The following DOCK6 variants were observed in gnomAD, a reference collection of about 807,000 sequenced individuals.
DOCK6 encodes dedicator of cytokinesis protein 6.
A neutral mutation model predicts 230.3 loss-of-function variants in DOCK6; 167 were observed. The observed-to-expected ratio is 0.73, with a 90% confidence interval of 0.64 to 0.82. The LOEUF (loss-of-function observed/expected upper bound fraction) is 0.82, where lower values mean the gene tolerates loss of function less well. DOCK6 is among the 40% of genes least tolerant of loss of function. DOCK6 has a pLI of 0.00. For synonymous variants in DOCK6, 1,148 were observed against 1,185.0 expected, an observed-to-expected ratio of 0.97 and a Z score of 0.64; for missense variants, 2,598 against 2,825.8, an observed-to-expected ratio of 0.92 and a Z score of 1.83.
chr19:11,252,889 C>T lies in DOCK6; in HGVS notation c.202G>A (p.Glu68Lys), dbSNP rs2080140863. The change falls in exon 3 of 48, where the codon GAG becomes AAG. Residue 68 changes from glutamate (E) to lysine (K), a missense_variant. Glu to Lys is a moderately conservative substitution (Grantham distance 56). Coordinates refer to ENST00000294618, the MANE Select transcript of DOCK6 (RefSeq NM_020812.4). Reference protein sequence around the residue: ...DVLLSRPPDAEPGPLRDLVEF... With the variant: ...DVLLSRPPDAKPGPLRDLVEF... ...ACCAGGTCCCTGAGGGGCCCGGGCT[C>T]AGCATCTGGTGGCCGGCTCAGAAGT... 1.2e-6 allele frequency: 2 copies of T among 1,613,676 alleles called. No individual in the cohort carries two copies. Among genetic ancestry groups the T allele is most frequent in the Non-Finnish European group, 1.7e-6 (2 of 1,179,834 alleles).
Position 11,222,300 on chromosome 19 carries a change from G to C in DOCK6, c.3241-52C>G. 1 of 1,556,114 alleles carries C rather than the reference G, an allele frequency of 6.4e-7. No homozygotes were observed. The highest frequency in any genetic ancestry group is 8.7e-7 in the Non-Finnish European group (1 of 1,148,546). On this transcript the variant is annotated intron_variant, in intron 26 of 47. Transcript: ENST00000294618. The surrounding 1 kb of genome is among the most constrained non-coding windows in gnomAD (Gnocchi z 4.0). Reference sequence around the variant, plus strand: ...TGCCAGCGGTCAAGGGTCAGAGGTGGCAGGTCACCATTAAAGCCATCTTGG... The same window carrying C: ...TGCCAGCGGTCAAGGGTCAGAGGTGCCAGGTCACCATTAAAGCCATCTTGG...
chr19:11,225,833 C>A (rs1181695967), intron 24 of DOCK6, among the ~76,000 whole-genome samples: 2 of 143,414 alleles, frequency 1.4e-5, no homozygotes, highest in Non-Finnish European at 3.0e-5. Context: ...GAGTTGGAGA[C>A]CAGTCTGGGC....
rs2079422821 is a variant in DOCK6 at position 11,213,228 on chromosome 19, T to A, written c.4439A>T (p.His1480Leu). The A allele has an allele frequency of 1.2e-6, 2 of 1,613,092 alleles. No individual in the cohort carries two copies. The highest frequency in any genetic ancestry group is 8.5e-7 in the Non-Finnish European group (1 of 1,179,858). Reference protein sequence around the residue: ...CGSRISTIRTHASASLYLLMR... With the variant: ...CGSRISTIRTLASASLYLLMR... Reference sequence around the variant, plus strand: ...GAGCAGGTACAGCGAGGCGCTGGCGTGCGTGCGGATGGTGCTGATGCGGCT... The same window carrying A: ...GAGCAGGTACAGCGAGGCGCTGGCGAGCGTGCGGATGGTGCTGATGCGGCT... The change falls in exon 35 of 48, where the codon CAC becomes CTC. Residue 1480 changes from histidine (H) to leucine (L), a missense_variant. By Grantham distance (99) the His-to-Leu change is moderately conservative (BLOSUM62 -3). Coordinates refer to ENST00000294618, the MANE Select transcript of DOCK6 (RefSeq NM_020812.4).
At chr19:11,235,877 A>ATTTTTTTTTTTTTTTTTTTTT (rs56665433) in intron 20 of DOCK6, 118 bp from the exon 21 acceptor site, 1 of 814,976 alleles carries the variant, frequency 1.2e-6, no homozygotes. Flanking sequence ...GGGGTCACAA[A>ATTTTTTTTTTTTTTTTTTTTT]TTTTTTTTTT....
Position 11,216,946 on chromosome 19 carries a change from G to A in DOCK6, c.3862C>T (p.Leu1288=), listed in dbSNP as rs1600877375. 6 of 1,613,752 alleles carry A rather than the reference G, an allele frequency of 3.7e-6. No homozygotes were observed. In the East Asian group the frequency reaches 1.3e-4, roughly 36 times the overall value. Residue 1288 remains leucine, a synonymous_variant, in exon 30 of 48, where the codon CTG becomes TTG. Transcript: ENST00000294618. ...TCAAAGGCAGCTAGGCAAAGGTACA[G>A]CAAATCCAACAGACGTCCCAGCTGG... is the stretch of plus-strand genomic sequence containing the variant. ...LPQLGRLLDL[L]YLCLAAFEYK...
At chr19:11,258,686 G>A (rs1486705142) in intron 1 of DOCK6, among the ~76,000 whole-genome samples, 1 of 151,838 alleles carries the variant, frequency 6.6e-6, no homozygotes, top group East Asian at 1.9e-4. Flanking sequence ...GCCCACCTCA[G>A]CCTCCCAAAG....
chr19:11,221,330 T>C (rs983612278), intron 28 of DOCK6: 1 of 161,278 alleles, frequency 6.2e-6, no homozygotes, highest in African/African-American at 2.4e-5. Context: ...GAGTGAAGAG[T>C]GAAAATGAGG....
chr19:11,227,726 T>C (rs892808205), intron 23 of DOCK6, among the ~76,000 whole-genome samples: 3 of 151,964 alleles, frequency 2.0e-5, no homozygotes. Flanking sequence ...GGGTGGGGCT[T>C]GTGACCTATG....
In DOCK6 at chr19:11,243,975, C is replaced by A. The variant is rs996815645; in HGVS notation, c.1024-93G>T. 1 of 1,340,778 alleles carries A rather than the reference C, an allele frequency of 7.5e-7. No homozygotes were observed. Among genetic ancestry groups the A allele is most frequent in the Non-Finnish European group, 1.0e-6 (1 of 957,000 alleles). 83.1% of individuals were successfully genotyped at this position (1,340,778 alleles called of 1,614,324 possible). On this transcript the variant is annotated intron_variant, in intron 9 of 47. Transcript: ENST00000294618. The surrounding 1 kb of genome is among the most constrained non-coding windows in gnomAD (Gnocchi z 6.3). The stretch of plus-strand genomic sequence containing the variant: ...CAGCCTCCTGGACCCCTCATGGGCC[C>A]TCGGACACTCCTAACATATGAAGGC...
rs1386388354 is a variant in DOCK6 at position 11,233,325 on chromosome 19, C to T, written c.2596G>A (p.Gly866Ser). The change falls in exon 22 of 48, where the codon GGC (glycine) becomes AGC (serine). Residue 866 changes from glycine to serine, a missense_variant. Coordinates refer to ENST00000294618, the MANE Select transcript of DOCK6 (RefSeq NM_020812.4). ...TAGAGGCTTGCGGGGCGACCAGAGC[C>T]ACGGGCCAGTGTGGCAGCCTGCACT... Reference protein sequence around the residue: ...VTVQAATLARGSGRPASLYLA... With the variant: ...VTVQAATLARSSGRPASLYLA... 1 of 1,613,876 alleles carries T rather than the reference C, an allele frequency of 6.2e-7. No individual in the cohort carries two copies. The highest frequency in any genetic ancestry group is 8.5e-7 in the Non-Finnish European group (1 of 1,179,848).
chr19:11,224,463 G>T (rs532460389), intron 24 of DOCK6, among the ~76,000 whole-genome samples: 1 of 151,924 alleles, frequency 6.6e-6, no homozygotes, highest in Non-Finnish European at 1.5e-5. Flanking sequence ...CGCCCTCCTC[G>T]GCCTCCTAAA....
rs771221972 is a variant in DOCK6, at chr19:11,215,793, C to T, written c.4021+8G>A. On this transcript the variant is annotated splice_region_variant and intron_variant, in intron 31 of 47. Coordinates refer to ENST00000294618, the MANE Select transcript of DOCK6 (RefSeq NM_020812.4). ...GGATGGGGACACGTGGGTATGTCAC[C>T]CTCTTACCACGACTTCGCCGAACCA... 8.1e-6 allele frequency: 13 copies of T among 1,613,938 alleles called. No homozygotes were observed. The highest frequency in any genetic ancestry group is 9.3e-6 in the Non-Finnish European group (11 of 1,179,864).
chr19:11,236,879 C>T lies in DOCK6; in HGVS notation c.2074G>A (p.Val692Met). 6.4e-7 allele frequency: 1 copy of T among 1,552,158 alleles called. No individual in the cohort carries two copies. Among genetic ancestry groups the T allele is most frequent in the Non-Finnish European group, 8.7e-7 (1 of 1,147,866 alleles). Reference protein sequence around the residue: ...PPSYSVLTPDVALPGMRWVDG... With the variant: ...PPSYSVLTPDMALPGMRWVDG... ...ACCCAGCGCATGCCCGGAAGCGCCACCTGTGGGAGGGAGGCACCAGGTGGG... is the reference window on the plus strand; with the variant it reads ...ACCCAGCGCATGCCCGGAAGCGCCATCTGTGGGAGGGAGGCACCAGGTGGG... The change falls in exon 19 of 48, where the codon GTG becomes ATG. Residue 692 changes from valine to methionine, a missense_variant and splice_region_variant. Val to Met is a conservative substitution (Grantham distance 21, BLOSUM62 1). Coordinates refer to ENST00000294618, the MANE Select transcript of DOCK6 (RefSeq NM_020812.4). This position sits in a 1 kb window ranked among gnomAD's most constrained non-coding sequence, Gnocchi z 5.2.
intron 23 of DOCK6, among the ~76,000 whole-genome samples, chr19:11,228,666 T>C (rs904320691): frequency 1.3e-5 from 2 of 151,456 alleles, no homozygotes; most frequent in Non-Finnish European, 2.9e-5. Context: ...TGCACGCCAT[T>C]CTTCTGCCTC....
chr19:11,255,708 C>T (rs2080186701), intron 1 of DOCK6, among the ~76,000 whole-genome samples: 1 of 152,202 alleles, frequency 6.6e-6, no homozygotes, highest in African/African-American at 2.4e-5. Context: ...CTTAGTCCCT[C>T]TTAAAATAGA....
chr19:11,229,748 G>A (rs2079733763), intron 22 of DOCK6, among the ~76,000 whole-genome samples: 1 of 151,970 alleles, frequency 6.6e-6, no homozygotes, highest in Non-Finnish European at 1.5e-5. Flanking sequence ...GCTGGGCGGG[G>A]TGGCTCAATA....
chr19:11,256,771 G>A (rs1034483057), intron 1 of DOCK6, among the ~76,000 whole-genome samples: 18 of 152,116 alleles, frequency 1.2e-4, no homozygotes, highest in African/African-American at 4.3e-4. Context: ...TCCACCTCCA[G>A]GGTTCAAGCG....
At chr19:11,262,326 A>G (rs1162592658) in intron 1 of DOCK6, 71 bp downstream of exon 1, 1 of 832,280 alleles carries the variant, frequency 1.2e-6, no homozygotes, top group Non-Finnish European at 1.4e-6. Flanking sequence ...CCGGGCGGGG[A>G]GGGTCGCACC....
In DOCK6 at chr19:11,215,223, A is replaced by G. The variant is rs549797471; in HGVS notation, c.4106+164T>C. ...CTCCCAAAGTGCTGGGATTACAGGC[A>G]TGAGCCACTGCGCCCGGCCCATGCC... is the stretch of plus-strand genomic sequence containing the variant. On this transcript the variant is annotated intron_variant, in intron 32 of 47. Transcript: ENST00000294618. Among the ~76,000 whole-genome samples, 13 of 152,184 alleles carry G rather than the reference A, an allele frequency of 8.5e-5. 1 individual carries two copies. In the South Asian group the frequency reaches 2.7e-3, roughly 32 times the overall value.
Sources: gnomAD v4.1 joint callset for allele counts (sites outside exome capture counted in the v4.1 genomes callset) on GRCh38, gnomAD v4.1.1 for gene constraint, Gnocchi (gnomAD v3.1) non-coding constraint, MANE v1.5 for transcripts, NCBI Gene and HGNC (gene_info 2026-07-23, HGNC 2026-07-21) for gene names.